Variants in MYO1D observed in about 807,000 individuals in gnomAD.
MYO1D encodes the protein unconventional myosin-Id.
A neutral mutation model predicts 122.0 loss-of-function variants in MYO1D; 83 were observed. The ratio of observed to expected loss-of-function variants is 0.68; its 90% CI spans 0.57 to 0.82. The LOEUF (loss-of-function observed/expected upper bound fraction) is 0.82, where lower values mean the gene tolerates loss of function less well. MYO1D is among the 40% of genes least tolerant of loss of function. The pLI is 0.00. For synonymous variants in MYO1D, 464 were observed against 446.9 expected (o/e 1.04, Z -0.48); for missense variants, 1,157 against 1,269.5 (o/e 0.91, Z 1.35).
chr17:32,574,333 T>G lies in MYO1D; in HGVS notation c.2864+30754A>C, dbSNP rs145931684. Among the ~76,000 whole-genome samples, 1,475 of 152,144 alleles carry G rather than the reference T, an allele frequency of 9.7e-3. 20 individuals are homozygous for G. Among genetic ancestry groups the G allele is most frequent in the African/African-American group, 0.034 (1,409 of 41,484 alleles). On this transcript the variant is annotated intron_variant, in intron 21 of 21. Transcript: ENST00000318217. ...TACTAGCAAAGACTATCCAGATTGA[T>G]GCACCCAAGATGAAATTTTGTAAAG... is the stretch of plus-strand genomic sequence containing the variant.
chr17:32,660,483 T>C (rs992200742), intron 16 of MYO1D, among the ~76,000 whole-genome samples: 1 of 152,190 alleles, frequency 6.6e-6, no homozygotes, highest in Non-Finnish European at 1.5e-5. Context: ...TTGTTTTAGG[T>C]TTGTCCTCAT....
rs560953120 is a variant in MYO1D at position 32,864,007 on chromosome 17, C to CTTTTTTT, written c.95+12764_95+12770dup. Among the ~76,000 whole-genome samples, 373 of 48,946 alleles carry CTTTTTTT rather than the reference C, an allele frequency of 7.6e-3. 107 individuals are homozygous for CTTTTTTT. The highest frequency in any genetic ancestry group is 0.039 in the East Asian group (29 of 750). The allele number at this position is 48,946 out of a possible 152,430, so 32.1% of individuals were successfully genotyped here. A position where few individuals can be genotyped will look rare whatever the true frequency, so the allele number is the denominator to read the frequency against. ...TAATTTTGGTTACAAACATTTCTTC[C>CTTTTTTT]TTTTTTTTTTTTTTTTTTTTTTTTT... is the stretch of plus-strand genomic sequence containing the variant. On this transcript the variant is annotated intron_variant, in intron 1 of 21. Transcript: ENST00000318217.
In MYO1D at chr17:32,738,517, G is replaced by A. The variant is rs535967760; in HGVS notation, c.1614-132C>T. 2.0e-5 allele frequency: 18 copies of A among 909,900 alleles called. No homozygotes were observed. In the African/African-American group the frequency reaches 3.1e-4, roughly 16 times the overall value. The allele number at this position is 909,900 out of a possible 1,614,324, so 56.4% of individuals were successfully genotyped here. On this transcript the variant is annotated intron_variant, in intron 13 of 21. Transcript: ENST00000318217. ...AGATTCAACTCACAAGGCCTAATTG[G>A]AATGATGATTCCATCCAGAAAATTA...
chr17:32,615,834 C>T (rs1323188222), intron 20 of MYO1D, among the ~76,000 whole-genome samples: 1 of 152,170 alleles, frequency 6.6e-6, no homozygotes, highest in African/African-American at 2.4e-5. Flanking sequence ...CAATAGCTCA[C>T]GAGGAGCCCA....
rs186905360 is a variant in MYO1D at position 32,591,874 on chromosome 17, C to T, written c.2864+13213G>A. On this transcript the variant is annotated intron_variant, in intron 21 of 21. Coordinates refer to ENST00000318217, the MANE Select transcript of MYO1D (RefSeq NM_015194.3). ...GGCCTGGGATGGGCCCGGGGAGCTG[C>T]CTTTTGAAAAAACACCTTCAGGTTA... is the stretch of plus-strand genomic sequence containing the variant. Among the ~76,000 whole-genome samples the T allele has an allele frequency of 7.2e-5, 11 of 152,074 alleles. No homozygotes were observed. In the East Asian group the frequency reaches 2.1e-3, roughly 29 times the overall value.
intron 21 of MYO1D, among the ~76,000 whole-genome samples, chr17:32,526,156 C>G (rs556100295): frequency 1.3e-5 from 2 of 152,116 alleles, no homozygotes; most frequent in African/African-American, 4.8e-5. Context: ...ATTGTAATCC[C>G]GTCTACTCAT....
intron 17 of MYO1D, among the ~76,000 whole-genome samples, chr17:32,655,880 G>GGGAGGTGGAGGT (rs947646986): frequency 6.6e-6 from 1 of 152,188 alleles, no homozygotes; most frequent in Non-Finnish European, 1.5e-5. Flanking sequence ...GCTTGGATCA[G>GGGAGGTGGAGGT]GGAGGTGGAG....
In MYO1D at chr17:32,776,003, T is replaced by G; in HGVS notation, c.425A>C (p.Asn142Thr). 3 of 1,613,896 alleles carry G rather than the reference T, an allele frequency of 1.9e-6. No homozygotes were observed. The highest frequency in any genetic ancestry group is 2.5e-6 in the Non-Finnish European group (3 of 1,179,908). ...ERVKNMLLKS[N>T]CVLEAFGNAK... The stretch of plus-strand genomic sequence containing the variant: ...ATTTCCAAAAGCTTCCAAAACACAG[T>G]TGGACTTAAGCAACATATTCTTCAC... Residue 142 changes from asparagine (N) to threonine (T), a missense_variant, in exon 4 of 22, where the codon AAC becomes ACC. Transcript: ENST00000318217.
chr17:32,773,268 C>T (rs2090138007), intron 4 of MYO1D, among the ~76,000 whole-genome samples: 1 of 152,206 alleles, frequency 6.6e-6, no homozygotes, highest in Non-Finnish European at 1.5e-5. Context: ...CAATCTCCCC[C>T]TTCCCTTAAT....
chr17:32,642,205 T>C (rs1291729333), intron 19 of MYO1D, among the ~76,000 whole-genome samples: 1 of 152,252 alleles, frequency 6.6e-6, no homozygotes, highest in African/African-American at 2.4e-5. Flanking sequence ...CCCCATTTCT[T>C]GTTTTTGTCA....
At position 32,694,208 on chromosome 17, in the gene MYO1D, T is replaced by C. The variant is rs1035162315; in HGVS notation, c.2121+17780A>G. ...GCTATACCTATTTTCATTTCCATGA[T>C]TCACCAACAAATGTTCAAAACACTT... On this transcript the variant is annotated intron_variant, in intron 16 of 21. Coordinates refer to ENST00000318217, the MANE Select transcript of MYO1D (RefSeq NM_015194.3). Among the ~76,000 whole-genome samples, 8 of 152,220 alleles carry C rather than the reference T, an allele frequency of 5.3e-5. No homozygotes were observed. The East Asian group carries it at 7.7e-4, about 15-fold the overall frequency.
At chr17:32,847,775 A>C (rs2090951042) in intron 1 of MYO1D, among the ~76,000 whole-genome samples, 1 of 152,168 alleles carries the variant, frequency 6.6e-6, no homozygotes, top group Admixed American at 6.5e-5. Context: ...TCAGCCTCCC[A>C]AAATGCTGAG....
intron 1 of MYO1D, among the ~76,000 whole-genome samples, chr17:32,832,230 C>A (rs2090777561): frequency 6.6e-6 from 1 of 151,866 alleles, no homozygotes; most frequent in Non-Finnish European, 1.5e-5. Context: ...CCTCAGCTCC[C>A]TTGACTCCAC....
chr17:32,869,151 A>G (rs1454932625), intron 1 of MYO1D, among the ~76,000 whole-genome samples: 4 of 152,016 alleles, frequency 2.6e-5, no homozygotes, highest in Non-Finnish European at 5.9e-5. Context: ...CCTGGGATGC[A>G]GAGGATGCAG....
intron 1 of MYO1D, among the ~76,000 whole-genome samples, chr17:32,870,617 GAA>G (rs1280250106): frequency 6.7e-6 from 1 of 148,188 alleles, no homozygotes; most frequent in South Asian, 2.2e-4. Context: ...AAAAAAGAAA[GAA>G]AAAAAAGAAA....
intron 20 of MYO1D, among the ~76,000 whole-genome samples, chr17:32,621,189 T>C (rs2150925624): frequency 6.6e-6 from 1 of 152,230 alleles, no homozygotes; most frequent in African/African-American, 2.4e-5. Context: ...TGTGGCGTCA[T>C]ATTGGTGCTC....
intron 16 of MYO1D, among the ~76,000 whole-genome samples, chr17:32,692,809 A>G (rs1446470216): frequency 1.3e-5 from 2 of 152,230 alleles, no homozygotes; most frequent in Non-Finnish European, 2.9e-5. Flanking sequence ...CCTGGCATCT[A>G]CAGCAAACAG....
At chr17:32,792,606 G>A (rs2090365569) in intron 1 of MYO1D, 1 of 152,176 alleles carries the variant, frequency 6.6e-6, no homozygotes. Flanking sequence ...GATGGACAGG[G>A]ACCATATGTT....
intron 21 of MYO1D, among the ~76,000 whole-genome samples, chr17:32,578,919 ATTCCC>A (rs1361600274): frequency 6.6e-6 from 1 of 152,154 alleles, no homozygotes; most frequent in East Asian, 1.9e-4. Context: ...ACTCATTTAC[ATTCCC>A]TTCAAGTTCC....
Sources: gnomAD v4.1 joint callset for allele counts (sites outside exome capture counted in the v4.1 genomes callset) on GRCh38, gnomAD v4.1.1 for gene constraint, MANE v1.5 for transcripts, NCBI Gene and HGNC (gene_info 2026-07-23, HGNC 2026-07-21) for gene names.